The following DIP2C variants were observed in gnomAD, a reference collection of about 807,000 sequenced individuals.
DIP2C encodes the protein disco-interacting protein 2 homolog C.
DIP2C carries 33 observed loss-of-function variants against 192.4 expected under a neutral mutation model. The observed-to-expected ratio is 0.17, with a 90% confidence interval of 0.13 to 0.23. The LOEUF (loss-of-function observed/expected upper bound fraction) is 0.23, where lower values mean the gene tolerates loss of function less well. DIP2C is among the 10% of genes least tolerant of loss of function. The pLI is 1.00. For synonymous variants in DIP2C, 979 were observed against 864.1 expected (o/e 1.13, Z -2.33); for missense variants, 1,537 against 2,110.1 (o/e 0.73, Z 5.32).
At chr10:668,354 CAACACTG>C (rs1053760419) in intron 1 of DIP2C, 1 of 151,758 alleles carries the variant, frequency 6.6e-6, no homozygotes, top group African/African-American at 2.4e-5. Context: ...ACACAACACA[CAACACTG>C]ATACAACATA....
chr10:277,320 C>T lies in DIP2C; in HGVS notation c.*5G>A, dbSNP rs202197586. 30 of 1,613,236 alleles carry T rather than the reference C, an allele frequency of 1.9e-5. No homozygotes were observed. Among genetic ancestry groups the T allele is most frequent in the South Asian group, 6.6e-5 (6 of 91,056 alleles). ...AGAAAAGTCCATGGAAGCCAAGAGA[C>T]GAGACTACATGTTGTAGGCCACATA... is the stretch of plus-strand genomic sequence containing the variant. On this transcript the variant is annotated 3_prime_UTR_variant, in exon 37 of 37. Coordinates refer to ENST00000280886, the MANE Select transcript of DIP2C (RefSeq NM_014974.3).
At chr10:505,170 G>A (rs755863927) in intron 1 of DIP2C, among the ~76,000 whole-genome samples, 8 of 152,174 alleles carry the variant, frequency 5.3e-5, no homozygotes, top group African/African-American at 7.2e-5. Context: ...GTCATGTTCC[G>A]AGGAGCAATT....
chr10:663,084 T>C, intron 1 of DIP2C: 1 of 593,400 alleles, frequency 1.7e-6, no homozygotes, highest in Middle Eastern at 3.8e-4. Flanking sequence ...GATACCACTC[T>C]CCAGTGGGCA....
intron 29 of DIP2C, among the ~76,000 whole-genome samples, chr10:331,913 T>C (rs1012940499): frequency 1.3e-5 from 2 of 152,192 alleles, no homozygotes; most frequent in Non-Finnish European, 2.9e-5. Flanking sequence ...ACATTTACCA[T>C]ATTAACCACT....
chr10:650,581 G>A (rs1855815301), intron 1 of DIP2C: 2 of 622,284 alleles, frequency 3.2e-6, no homozygotes, highest in Admixed American at 2.7e-5. Flanking sequence ...AGGGACGTGG[G>A]CCCCTTCAGT....
intron 1 of DIP2C, among the ~76,000 whole-genome samples, chr10:678,738 C>T (rs71494919): frequency 0.024 from 188 of 7,930 alleles, 8 homozygotes; most frequent in African/African-American, 0.028. Flanking sequence ...GTGCTCCCCG[C>T]GCCCATCTCT....
intron 28 of DIP2C, among the ~76,000 whole-genome samples, chr10:344,418 C>T (rs569547872): frequency 1.2e-3 from 182 of 152,058 alleles, no homozygotes; most frequent in African/African-American, 4.2e-3. Flanking sequence ...GTTTGCACGG[C>T]ACCTCGGCAA....
rs908339696 is a variant in DIP2C, at chr10:652,951, G to A, written c.85+36543C>T. Among the ~76,000 whole-genome samples the A allele has an allele frequency of 7.2e-5, 11 of 151,794 alleles. No individual in the cohort carries two copies. The highest frequency in any genetic ancestry group is 1.5e-4 in the Non-Finnish European group (10 of 67,944). On this transcript the variant is annotated intron_variant, in intron 1 of 36. Transcript: ENST00000280886. This position sits in a 1 kb window ranked among gnomAD's most constrained non-coding sequence, Gnocchi z 4.5. ...GCCACACACTGAGCCATAAACCCTC[G>A]CAAGACTGTGGGCATCTCAAGGTGC...
chr10:368,681 C>T (rs1028656753), intron 18 of DIP2C, among the ~76,000 whole-genome samples: 1 of 152,192 alleles, frequency 6.6e-6, no homozygotes, highest in Non-Finnish European at 1.5e-5. Flanking sequence ...CTGCTGAGGC[C>T]CACCTGACCT....
rs1358101875 is a variant in DIP2C, at chr10:286,332, G to A, written c.4060C>T (p.Arg1354Trp). ...MESGKILPGV[R>W]IIIANPETKG... Reference sequence around the variant, plus strand: ...GTTTCTGGGTTGGCAATTATAATCCGAACCCCTGGAAGTATCTATTTGGGA... The same window carrying A: ...GTTTCTGGGTTGGCAATTATAATCCAAACCCCTGGAAGTATCTATTTGGGA... The change falls in exon 34 of 37, where the codon CGG (arginine) becomes TGG (tryptophan). Residue 1354 changes from arginine to tryptophan, a missense_variant. Arg to Trp is a moderately radical substitution (Grantham distance 101). Coordinates refer to ENST00000280886, the MANE Select transcript of DIP2C (RefSeq NM_014974.3). The A allele has an allele frequency of 2.5e-6, 4 of 1,614,004 alleles. No homozygotes were observed. The highest frequency in any genetic ancestry group is 2.5e-6 in the Non-Finnish European group (3 of 1,180,016).
chr10:452,128 C>A (rs185835751), intron 3 of DIP2C, among the ~76,000 whole-genome samples: 1 of 152,174 alleles, frequency 6.6e-6, no homozygotes, highest in African/African-American at 2.4e-5. Flanking sequence ...AGATGTCAGA[C>A]TGTGGACTGC....
chr10:616,011 A>C (rs1453177468), intron 1 of DIP2C, among the ~76,000 whole-genome samples: 1 of 152,100 alleles, frequency 6.6e-6, no homozygotes, highest in East Asian at 1.9e-4. Flanking sequence ...ATTTTTCCAC[A>C]TTTATCACCC....
chr10:408,093 T>A (rs1252887570), intron 9 of DIP2C, among the ~76,000 whole-genome samples: 1 of 150,706 alleles, frequency 6.6e-6, no homozygotes, highest in African/African-American at 2.5e-5. Context: ...CATTTAGGCG[T>A]TTGGTCCATT....
At chr10:294,794 C>T (rs911204079) in intron 32 of DIP2C, among the ~76,000 whole-genome samples, 1 of 151,856 alleles carries the variant, frequency 6.6e-6, no homozygotes. Flanking sequence ...AAAGCACAGG[C>T]CACAAAAGCA....
intron 1 of DIP2C, among the ~76,000 whole-genome samples, chr10:579,856 C>T (rs1450531488): frequency 1.3e-5 from 2 of 151,952 alleles, no homozygotes; most frequent in East Asian, 1.9e-4. Context: ...GTACAGTGTA[C>T]ATGCATATGT....
At chr10:506,314 C>T (rs182004439) in intron 1 of DIP2C, among the ~76,000 whole-genome samples, 1 of 152,280 alleles carries the variant, frequency 6.6e-6, no homozygotes, top group Non-Finnish European at 1.5e-5. Context: ...AGACAAGCTG[C>T]ATGACATCTT....
intron 4 of DIP2C, among the ~76,000 whole-genome samples, chr10:439,865 T>C (rs1410599797): frequency 6.6e-6 from 1 of 152,166 alleles, no homozygotes; most frequent in Non-Finnish European, 1.5e-5. Context: ...TTTTCAACTA[T>C]TCATATTGTA....
chr10:585,873 A>T (rs2131612484), intron 1 of DIP2C, among the ~76,000 whole-genome samples: 1 of 152,362 alleles, frequency 6.6e-6, no homozygotes, highest in African/African-American at 2.4e-5. Context: ...ATCTATACTT[A>T]AATGCATTTA....
At chr10:362,193 C>T (rs866611013) in intron 22 of DIP2C, among the ~76,000 whole-genome samples, 18 of 152,046 alleles carry the variant, frequency 1.2e-4, no homozygotes, top group African/African-American at 3.9e-4. Context: ...GTGAGAGCAC[C>T]GTGGCCGTGT....
Sources: allele counts gnomAD v4.1 joint callset (sites outside exome capture counted in the v4.1 genomes callset), GRCh38; gene constraint gnomAD v4.1.1; non-coding constraint Gnocchi (gnomAD v3.1); transcripts MANE v1.5; gene names NCBI Gene and HGNC (gene_info 2026-07-23, HGNC 2026-07-21).